Variants in GDAP2 observed in about 807,000 individuals in gnomAD.
GDAP2 encodes ganglioside induced differentiation associated protein 2, also known as ganglioside-induced differentiation-associated protein 2.
Under a neutral mutation model 67.0 loss-of-function variants are expected in GDAP2, and 51 were observed. The observed-to-expected ratio is 0.76, with a 90% confidence interval of 0.61 to 0.96. The LOEUF (loss-of-function observed/expected upper bound fraction) is 0.96. Among genes scored for constraint, GDAP2 ranks in the 40% least tolerant of loss-of-function variants. GDAP2 has a pLI of 0.00. For synonymous variants in GDAP2, 203 were observed against 207.3 expected (o/e 0.98, Z 0.18); for missense variants, 547 against 588.3 (o/e 0.93, Z 0.73).
At chr1:117,916,435 A>G (rs1650045921) in intron 3 of GDAP2, among the ~76,000 whole-genome samples, 1 of 152,136 alleles carries the variant, frequency 6.6e-6, no homozygotes, top group Non-Finnish European at 1.5e-5. Context: ...CAGTTTAAGG[A>G]GTTTAGAATT....
intron 13 of GDAP2, chr1:117,877,453 A>G: frequency 1.0e-6 from 1 of 977,098 alleles, no homozygotes; most frequent in Non-Finnish European, 1.2e-6. Flanking sequence ...AATAGAATAA[A>G]TTGATGAAAT....
intron 5 of GDAP2, among the ~76,000 whole-genome samples, chr1:117,907,213 A>G (rs1328981791): frequency 6.6e-6 from 1 of 152,182 alleles, no homozygotes; most frequent in Non-Finnish European, 1.5e-5. Context: ...CCCTAGCTTT[A>G]GCCCTTAACA....
intron 5 of GDAP2, among the ~76,000 whole-genome samples, chr1:117,908,828 AAAAT>A (rs33997305): frequency 0.019 from 2,878 of 148,166 alleles, 82 homozygotes; most frequent in South Asian, 0.12. Flanking sequence ...CTATCTCAAA[AAAAT>A]AAATAAATAA....
At chr1:117,901,949 G>C (rs1332602359) in intron 6 of GDAP2, among the ~76,000 whole-genome samples, 1 of 152,114 alleles carries the variant, frequency 6.6e-6, no homozygotes, top group African/African-American at 2.4e-5. Context: ...GAGTCTGCTG[G>C]AATTATTCAA....
chr1:117,892,474 A>G (rs1260017701), intron 8 of GDAP2, among the ~76,000 whole-genome samples: 6 of 152,146 alleles, frequency 3.9e-5, no homozygotes, highest in Admixed American at 3.9e-4. Context: ...AACTCAAAAT[A>G]GTTTCTGGGT....
chr1:117,870,696 T>C (rs899163946), intron 13 of GDAP2, 80 bp from the exon 14 acceptor site: 2 of 946,018 alleles, frequency 2.1e-6, no homozygotes, highest in African/African-American at 3.2e-5. Context: ...GGATTTACAG[T>C]CATTGAGGTA....
At chr1:117,870,929 C>A (rs1648236806) in intron 13 of GDAP2, among the ~76,000 whole-genome samples, 1 of 152,150 alleles carries the variant, frequency 6.6e-6, no homozygotes, top group Non-Finnish European at 1.5e-5. Context: ...TAGGTAACAT[C>A]CTCACTTTAC....
At chr1:117,912,209 T>C (rs1023159651) in intron 4 of GDAP2, 127 bp from the exon 5 acceptor site, 4 of 668,750 alleles carry the variant, frequency 6.0e-6, no homozygotes, top group Non-Finnish European at 1.1e-5. Context: ...TCTACTATAA[T>C]AGCTAACCCA....
At chr1:117,894,654 T>C (rs1418018392) in intron 8 of GDAP2, among the ~76,000 whole-genome samples, 1 of 152,150 alleles carries the variant, frequency 6.6e-6, no homozygotes, top group Non-Finnish European at 1.5e-5. Flanking sequence ...CACTATTTGA[T>C]TGAGTTGTGA....
intron 13 of GDAP2, among the ~76,000 whole-genome samples, chr1:117,871,066 T>C (rs998180046): frequency 3.3e-5 from 5 of 152,202 alleles, no homozygotes; most frequent in Admixed American, 2.0e-4. Flanking sequence ...TTTTGTTAGA[T>C]TGTGTTGTCT....
chr1:117,921,431 A>T (rs1471136275), intron 1 of GDAP2, among the ~76,000 whole-genome samples: 1 of 152,220 alleles, frequency 6.6e-6, no homozygotes, highest in Non-Finnish European at 1.5e-5. Context: ...ATTATGAGAG[A>T]ACAGGTAACA....
Position 117,867,081 on chromosome 1 carries a change from C to T in GDAP2, c.*3488G>A, listed in dbSNP as rs1240006625. On this transcript the variant is annotated 3_prime_UTR_variant, in exon 14 of 14. Coordinates refer to ENST00000369443, the MANE Select transcript of GDAP2 (RefSeq NM_017686.4). The stretch of plus-strand genomic sequence containing the variant: ...ATATACATACATACTGTCAATGTAT[C>T]GGGGAAATACAAAGAGTGATCTTTA... The T allele has an allele frequency of 2.0e-5, 3 of 152,078 alleles. No individual in the cohort carries two copies. The highest frequency in any genetic ancestry group is 2.1e-4 in the South Asian group (1 of 4,810). The allele number at this position is 152,078 out of a possible 1,614,324, so 9.4% of individuals were successfully genotyped here.
intron 8 of GDAP2, among the ~76,000 whole-genome samples, chr1:117,892,239 TG>T (rs939621134): frequency 2.6e-4 from 39 of 152,236 alleles, no homozygotes; most frequent in African/African-American, 8.7e-4. Flanking sequence ...AATCACCAGT[TG>T]GGAAGAAAGA....
chr1:117,880,639 A>G (rs905067367), intron 12 of GDAP2, among the ~76,000 whole-genome samples: 1 of 152,192 alleles, frequency 6.6e-6, no homozygotes, highest in Non-Finnish European at 1.5e-5. Context: ...CTTTAAGGAA[A>G]TGGAAATACA....
rs1648159963 is a variant in GDAP2, at chr1:117,868,734, T to C, written c.*1835A>G. 6.6e-6 allele frequency: 1 copy of C among 151,888 alleles called. No individual in the cohort carries two copies. Among genetic ancestry groups the C allele is most frequent in the East Asian group, 1.9e-4 (1 of 5,154 alleles). The allele number at this position is 151,888 out of a possible 1,614,324, so 9.4% of individuals were successfully genotyped here. On this transcript the variant is annotated 3_prime_UTR_variant, in exon 14 of 14. Transcript: ENST00000369443. The stretch of plus-strand genomic sequence containing the variant: ...AAAGTTGCAGACTTTTAAGGTACAG[T>C]GCCCAAGGGGTTAAAAAAAAAGTAC...
chr1:117,917,855 T>C (rs1225809505), intron 3 of GDAP2, among the ~76,000 whole-genome samples: 1 of 152,246 alleles, frequency 6.6e-6, no homozygotes, highest in Admixed American at 6.5e-5. Context: ...ATCTTCAATA[T>C]CCTTTCTAGT....
intron 3 of GDAP2, among the ~76,000 whole-genome samples, chr1:117,918,034 T>C (rs1650109695): frequency 6.6e-6 from 1 of 152,222 alleles, no homozygotes; most frequent in African/African-American, 2.4e-5. Context: ...CAAGTTCTAA[T>C]ATTTTTATTA....
intron 8 of GDAP2, among the ~76,000 whole-genome samples, chr1:117,890,262 TC>T (rs1570973393): frequency 6.6e-6 from 1 of 151,992 alleles, no homozygotes; most frequent in African/African-American, 2.4e-5. Flanking sequence ...CTTCTTTGTA[TC>T]CCCAAAGACT....
chr1:117,870,511 T>G lies in GDAP2; in HGVS notation c.*58A>C. On this transcript the variant is annotated 3_prime_UTR_variant, in exon 14 of 14. Transcript: ENST00000369443. ...CAACAATGAATATCACTTCAACAGG[T>G]AGCTATTCGTGGAGGAAGTGGCATC... is the stretch of plus-strand genomic sequence containing the variant. The G allele has an allele frequency of 1.0e-6, 1 of 997,038 alleles. No homozygotes were observed. The highest frequency in any genetic ancestry group is 1.6e-6 in the Non-Finnish European group (1 of 616,578). 61.8% of individuals were successfully genotyped at this position (997,038 alleles called of 1,614,324 possible).
Sources: allele counts gnomAD v4.1 joint callset (sites outside exome capture counted in the v4.1 genomes callset), GRCh38; gene constraint gnomAD v4.1.1; transcripts MANE v1.5; gene names NCBI Gene and HGNC (gene_info 2026-07-23, HGNC 2026-07-21).